Variants in RAB36 observed in about 807,000 individuals in gnomAD.
The protein encoded by RAB36 is ras-related protein Rab-36.
Under a neutral mutation model 39.3 loss-of-function variants are expected in RAB36, and 33 were observed. That is an observed-to-expected ratio of 0.84 (90% CI 0.64 to 1.12). The LOEUF is 1.12. RAB36 is among the 50% of genes most tolerant of loss of function. The pLI, the probability that RAB36 is intolerant of heterozygous loss-of-function variation, is 0.00. For synonymous variants in RAB36, 133 were observed against 140.2 expected (o/e 0.95, Z 0.36); for missense variants, 308 against 355.3 (o/e 0.87, Z 1.07).
chr22:23,158,833 C>G, intron 7 of RAB36, 65 bp from the exon 8 acceptor site: 1 of 1,431,386 alleles, frequency 7.0e-7, no homozygotes, highest in Non-Finnish European at 9.8e-7. Context: ...CCCAAGTGTG[C>G]CCTCTGCCCC....
rs1569215910 is a variant in RAB36 at position 23,158,939 on chromosome 22, C to T, written c.488C>T (p.Ser163Phe). 2 of 1,614,214 alleles carry T rather than the reference C, an allele frequency of 1.2e-6. No individual in the cohort carries two copies. The highest frequency in any genetic ancestry group is 1.7e-6 in the Non-Finnish European group (2 of 1,180,026). ...GCTCTGAGGGAGAACGAGGCAGGCT[C>T]CTGCTTCATCTTCCTCGTGGGAACC... ...EDALRENEAG[S>F]CFIFLVGTKK... Residue 163 changes from serine to phenylalanine, a missense_variant, in exon 8 of 11, where the codon TCC (serine) becomes TTC (phenylalanine). Physicochemically the swap from Ser to Phe is radical, Grantham distance 155. Coordinates refer to ENST00000263116, the MANE Select transcript of RAB36 (RefSeq NM_004914.5).
At chr22:23,158,064 C>T in intron 7 of RAB36, 21 bp downstream of exon 7, 1 of 1,613,782 alleles carries the variant, frequency 6.2e-7, no homozygotes, top group African/African-American at 1.3e-5. Context: ...GCTCTCTGGC[C>T]CCTGCAGTCT....
rs201382928 is a variant in RAB36, at chr22:23,159,220, C to T, written c.586C>T (p.Gln196Ter). The T allele has an allele frequency of 1.8e-4, 283 of 1,604,892 alleles. 1 individual carries two copies. Among genetic ancestry groups the T allele is most frequent in the Non-Finnish European group, 2.2e-4 (262 of 1,176,144 alleles). The change falls in exon 9 of 11, where the codon CAG becomes TAG. Residue 196 changes from glutamine (Q) to a stop codon, truncating the protein, a stop_gained. Transcript: ENST00000263116. LOFTEE classifies it high-confidence loss of function. The stretch of plus-strand genomic sequence containing the variant: ...CGCTGTGCACCTGGCCAGGGAGATG[C>T]AGGCCGAGTACTGGTCAGTGTCGGC... ...ADAVHLAREM[Q>*]AEYWSVSAKT...
intron 5 of RAB36, chr22:23,153,562 G>A (rs538820346): frequency 1.0e-6 from 1 of 985,024 alleles, no homozygotes; most frequent in South Asian, 4.7e-5. Context: ...TGCATGCCAG[G>A]CTTGGGCAAG....
At chr22:23,145,873 T>A in intron 1 of RAB36, 4 of 640,602 alleles carry the variant, frequency 6.2e-6, no homozygotes, top group Non-Finnish European at 7.8e-6. Context: ...GTCAGAGGCC[T>A]GGTGAAGTGA....
At position 23,162,871 on chromosome 22, in the gene RAB36, A is replaced by C; in HGVS notation, c.*1307A>C. 2.6e-6 allele frequency: 1 copy of C among 387,184 alleles called. No homozygotes were observed. The highest frequency in any genetic ancestry group is 5.3e-6 in the Non-Finnish European group (1 of 189,420). 24.0% of individuals were successfully genotyped at this position (387,184 alleles called of 1,614,324 possible). ...AGAACACTGGCATCTTTTTCTATTC[A>C]TTCCCCCTTCAACATATTTTTTGTA... On this transcript the variant is annotated 3_prime_UTR_variant, in exon 11 of 11. Coordinates refer to ENST00000263116, the MANE Select transcript of RAB36 (RefSeq NM_004914.5).
intron 6 of RAB36, among the ~76,000 whole-genome samples, chr22:23,156,539 G>A (rs1473915722): frequency 4.6e-5 from 7 of 152,268 alleles, no homozygotes; most frequent in Admixed American, 3.9e-4. Context: ...AGCAGGGGGC[G>A]GCAGCATAAG....
rs2070787288 is a variant in RAB36, at chr22:23,146,595, G to T, written c.-12-10G>T. 3.7e-6 allele frequency: 6 copies of T among 1,613,002 alleles called. No individual in the cohort carries two copies. Among genetic ancestry groups the T allele is most frequent in the Non-Finnish European group, 5.1e-6 (6 of 1,179,426 alleles). ...CTCCTTAACTGTCTTTCTCCTGGTT[G>T]GGTCCACAGGACTGTGGAAGAATGA... On this transcript the variant is annotated splice_polypyrimidine_tract_variant and intron_variant, in intron 1 of 10. Transcript: ENST00000263116.
chr22:23,157,297 C>T (rs1038336023), intron 6 of RAB36, among the ~76,000 whole-genome samples: 2 of 151,220 alleles, frequency 1.3e-5, no homozygotes, highest in Admixed American at 6.6e-5. Flanking sequence ...GTAGCCCAAA[C>T]TGGAGTGCAG....
chr22:23,158,760 G>C, intron 7 of RAB36, 138 bp from the exon 8 acceptor site: 1 of 734,404 alleles, frequency 1.4e-6, no homozygotes, highest in South Asian at 1.6e-5. Flanking sequence ...ATCCTGCTCA[G>C]CCAGTGTGGG....
intron 1 of RAB36, 152 bp downstream of exon 1, chr22:23,145,703 T>A (rs2070727611): frequency 9.8e-7 from 1 of 1,018,594 alleles, no homozygotes; most frequent in African/African-American, 1.6e-5. Context: ...CGTCCTCATT[T>A]CCGGAGCGCA....
chr22:23,146,771 G>A, intron 2 of RAB36, 86 bp downstream of exon 2: 3 of 1,535,564 alleles, frequency 2.0e-6, no homozygotes, highest in Non-Finnish European at 2.6e-6. Context: ...TAGAAGTAAA[G>A]CAGGTGAATC....
intron 3 of RAB36, 129 bp downstream of exon 3, chr22:23,150,283 C>G: frequency 1.5e-6 from 1 of 675,086 alleles, no homozygotes; most frequent in Non-Finnish European, 2.5e-6. Context: ...CTGAAGATGA[C>G]TGGGGTTTTC....
chr22:23,162,340 G>A lies in RAB36; in HGVS notation c.*776G>A, dbSNP rs2071856370. The A allele has an allele frequency of 6.4e-6, 2 of 310,286 alleles. No homozygotes were observed. Among genetic ancestry groups the A allele is most frequent in the South Asian group, 2.9e-5 (1 of 34,818 alleles). The allele number at this position is 310,286 out of a possible 1,614,324, so 19.2% of individuals were successfully genotyped here. A position where few individuals can be genotyped will look rare whatever the true frequency, so the allele number is the denominator to read the frequency against. On this transcript the variant is annotated 3_prime_UTR_variant, in exon 11 of 11. Coordinates refer to ENST00000263116, the MANE Select transcript of RAB36 (RefSeq NM_004914.5). ...CAGTGCATTTACCTGTGTGCTGCGG[G>A]AGGCAGACTGCACAGCTGTCCTAGG...
chr22:23,162,625 T>C lies in RAB36; in HGVS notation c.*1061T>C, dbSNP rs368575659. 3.5e-5 allele frequency: 16 copies of C among 456,260 alleles called. No homozygotes were observed. The highest frequency in any genetic ancestry group is 2.0e-4 in the South Asian group (13 of 64,560). 28.3% of individuals were successfully genotyped at this position (456,260 alleles called of 1,614,324 possible). On this transcript the variant is annotated 3_prime_UTR_variant, in exon 11 of 11. Coordinates refer to ENST00000263116, the MANE Select transcript of RAB36 (RefSeq NM_004914.5). ...TCCCCAGCCTCTCTGCCCAGTATGCTCATCCACAGGGTTTTCTCACTGCTA... is the reference window on the plus strand; with the variant it reads ...TCCCCAGCCTCTCTGCCCAGTATGCCCATCCACAGGGTTTTCTCACTGCTA...
At position 23,162,786 on chromosome 22, in the gene RAB36, G is replaced by A. The variant is rs1429443232; in HGVS notation, c.*1222G>A. On this transcript the variant is annotated 3_prime_UTR_variant, in exon 11 of 11. Coordinates refer to ENST00000263116, the MANE Select transcript of RAB36 (RefSeq NM_004914.5). ...GATCAGTACTGCTCTCCTAGGGCCT[G>A]GCACACTGCAGCTGCCCTGTAAATG... is the stretch of plus-strand genomic sequence containing the variant. 1 of 456,008 alleles carries A rather than the reference G, an allele frequency of 2.2e-6. No individual in the cohort carries two copies. The highest frequency in any genetic ancestry group is 4.4e-6 in the Non-Finnish European group (1 of 226,738). The allele number at this position is 456,008 out of a possible 1,614,324, so 28.2% of individuals were successfully genotyped here.
chr22:23,165,401 CAG>C lies in RAB36; in HGVS notation c.*3838_*3839del, dbSNP rs1286055900. Among the ~76,000 whole-genome samples, 3 of 152,206 alleles carry C rather than the reference CAG, an allele frequency of 2.0e-5. No individual in the cohort carries two copies. Among genetic ancestry groups the C allele is most frequent in the Non-Finnish European group, 2.9e-5 (2 of 68,040 alleles). Reference sequence around the variant, plus strand: ...GTCCTGTCTGACCCAGAGACCCTCACAGGGCATCAGCCAGTGAAGGCGGTTTG... The same window carrying C: ...GTCCTGTCTGACCCAGAGACCCTCACGGCATCAGCCAGTGAAGGCGGTTTG... On this transcript the variant is annotated 3_prime_UTR_variant, in exon 11 of 11. Coordinates refer to ENST00000263116, the MANE Select transcript of RAB36 (RefSeq NM_004914.5).
intron 6 of RAB36, chr22:23,156,272 C>T: frequency 1.1e-5 from 5 of 453,362 alleles, no homozygotes; most frequent in South Asian, 7.0e-5. Flanking sequence ...CTTTAAGTCT[C>T]AGCCCCAGTT....
At chr22:23,152,695 A>C (rs1290227806) in intron 4 of RAB36, among the ~76,000 whole-genome samples, 169 bp downstream of exon 4, 2 of 152,134 alleles carry the variant, frequency 1.3e-5, no homozygotes, top group Non-Finnish European at 2.9e-5. Flanking sequence ...GAAATCGGGG[A>C]GATGGCAGGG....
Sources: gnomAD v4.1 joint callset for allele counts (sites outside exome capture counted in the v4.1 genomes callset) on GRCh38, gnomAD v4.1.1 for gene constraint, MANE v1.5 for transcripts, NCBI Gene and HGNC (gene_info 2026-07-23, HGNC 2026-07-21) for gene names.